The following EFNA5 variants were observed in gnomAD, a reference collection of about 807,000 sequenced individuals.
EFNA5 encodes ephrin-A5.
Under a neutral mutation model 22.9 loss-of-function variants are expected in EFNA5, and 5 were observed. That is an observed-to-expected ratio of 0.22 (90% CI 0.11 to 0.46). The LOEUF (loss-of-function observed/expected upper bound fraction) is 0.46, where lower values mean the gene tolerates loss of function less well. Ranked by LOEUF, EFNA5 falls within the 20% of genes least tolerant of loss-of-function variation. The pLI is 0.99. For missense variants in EFNA5, 237 were observed against 293.3 expected, an observed-to-expected ratio of 0.81 and a Z score of 1.40; for synonymous variants, 113 against 112.2, an observed-to-expected ratio of 1.01 and a Z score of -0.04.
At chr5:107,413,019 GTAACTAA>G (rs1188508833) in intron 2 of EFNA5, among the ~76,000 whole-genome samples, 2 of 152,168 alleles carry the variant, frequency 1.3e-5, no homozygotes, top group African/African-American at 4.8e-5. Context: ...AACTAGGAAA[GTAACTAA>G]TTGCCTTTCA....
intron 2 of EFNA5, among the ~76,000 whole-genome samples, chr5:107,391,847 G>A (rs1747801590): frequency 6.6e-6 from 1 of 152,116 alleles, no homozygotes; most frequent in African/African-American, 2.4e-5. Flanking sequence ...GAGACTCTCT[G>A]GTTCTCTGTG....
At chr5:107,601,769 A>T (rs1485221887) in intron 1 of EFNA5, among the ~76,000 whole-genome samples, 1 of 152,196 alleles carries the variant, frequency 6.6e-6, no homozygotes, top group East Asian at 1.9e-4. Context: ...TTACCTTTAC[A>T]GAAACACACA....
At chr5:107,469,778 T>C (rs1355789222) in intron 1 of EFNA5, among the ~76,000 whole-genome samples, 1 of 152,154 alleles carries the variant, frequency 6.6e-6, no homozygotes, top group Non-Finnish European at 1.5e-5. Context: ...GTATAATACC[T>C]TAAAAGAAAA....
chr5:107,649,422 C>T (rs1195704123), intron 1 of EFNA5, among the ~76,000 whole-genome samples: 1 of 152,130 alleles, frequency 6.6e-6, no homozygotes, highest in Non-Finnish European at 1.5e-5. Context: ...ACACTATGGG[C>T]AGACAACTCA....
chr5:107,406,945 C>A (rs1041493911), intron 2 of EFNA5, among the ~76,000 whole-genome samples: 9 of 152,178 alleles, frequency 5.9e-5, no homozygotes, highest in African/African-American at 2.2e-4. Context: ...AATAAAAAGT[C>A]TAATCACTGG....
At chr5:107,482,313 A>AAC (rs1401252576) in intron 1 of EFNA5, among the ~76,000 whole-genome samples, 3 of 151,988 alleles carry the variant, frequency 2.0e-5, no homozygotes, top group African/African-American at 4.8e-5. Flanking sequence ...TGTCTCAAAA[A>AAC]AAAAAAAAAT....
intron 1 of EFNA5, among the ~76,000 whole-genome samples, chr5:107,563,961 AT>A (rs2112479676): frequency 6.6e-6 from 1 of 152,272 alleles, no homozygotes; most frequent in African/African-American, 2.4e-5. Context: ...TCAGTTTATC[AT>A]TTGAGAACCT....
intron 1 of EFNA5, among the ~76,000 whole-genome samples, chr5:107,457,877 C>T (rs537519874): frequency 1.3e-5 from 2 of 152,274 alleles, no homozygotes; most frequent in Admixed American, 6.5e-5. Flanking sequence ...GTTCACTTCA[C>T]ATATGTTAAT....
intron 1 of EFNA5, among the ~76,000 whole-genome samples, chr5:107,652,900 A>C (rs982470460): frequency 2.0e-5 from 3 of 151,946 alleles, no homozygotes; most frequent in Non-Finnish European, 4.4e-5. Flanking sequence ...TTTCTAAAAA[A>C]AAATAGTTTA....
chr5:107,602,776 A>G (rs957323595), intron 1 of EFNA5, among the ~76,000 whole-genome samples: 2 of 152,238 alleles, frequency 1.3e-5, no homozygotes, highest in African/African-American at 4.8e-5. Context: ...AAGTCAGAGC[A>G]GGTTCCCAGT....
intron 1 of EFNA5, among the ~76,000 whole-genome samples, chr5:107,495,880 A>C (rs1036328251): frequency 3.9e-5 from 6 of 152,142 alleles, no homozygotes; most frequent in African/African-American, 7.2e-5. Context: ...ACAGCCTATC[A>C]GGAAGAGGTA....
At chr5:107,404,347 T>G (rs1174340332) in intron 2 of EFNA5, among the ~76,000 whole-genome samples, 1 of 152,242 alleles carries the variant, frequency 6.6e-6, no homozygotes, top group Non-Finnish European at 1.5e-5. Context: ...GAATATTATT[T>G]CTTCATAATG....
chr5:107,463,000 G>T (rs1296552494), intron 1 of EFNA5, among the ~76,000 whole-genome samples: 1 of 152,130 alleles, frequency 6.6e-6, no homozygotes, highest in East Asian at 1.9e-4. Context: ...CGTCCATCCT[G>T]ATGCTGAATA....
rs182974375 is a variant in EFNA5 at position 107,507,617 on chromosome 5, G to A, written c.126-80108C>T. Among the ~76,000 whole-genome samples the A allele has an allele frequency of 3.7e-3, 561 of 151,934 alleles. 7 individuals are homozygous for A. The highest frequency in any genetic ancestry group is 5.8e-3 in the Non-Finnish European group (395 of 67,966). On this transcript the variant is annotated intron_variant, in intron 1 of 4. Coordinates refer to ENST00000333274, the MANE Select transcript of EFNA5 (RefSeq NM_001962.3). ...TTTTGGAGGCCAAGGAAGGAGGACCGCTTGAGCTCAGGAGTTTGAGACCAG... is the reference window on the plus strand; with the variant it reads ...TTTTGGAGGCCAAGGAAGGAGGACCACTTGAGCTCAGGAGTTTGAGACCAG...
intron 1 of EFNA5, among the ~76,000 whole-genome samples, chr5:107,632,608 T>A (rs917661783): frequency 5.3e-5 from 8 of 152,170 alleles, no homozygotes; most frequent in African/African-American, 1.7e-4. Flanking sequence ...TTCAAGAACA[T>A]CCTTTCAGTA....
chr5:107,522,812 T>C (rs1747623825), intron 1 of EFNA5, among the ~76,000 whole-genome samples: 1 of 152,174 alleles, frequency 6.6e-6, no homozygotes, highest in Non-Finnish European at 1.5e-5. Flanking sequence ...TTTCTGGTTT[T>C]TATGAACTAT....
In EFNA5 at chr5:107,433,417, G is replaced by C. The variant is rs143179183; in HGVS notation, c.126-5908C>G. 2.1e-4 allele frequency among the ~76,000 whole-genome samples: 32 copies of C among 152,234 alleles called. No individual in the cohort carries two copies. The East Asian group carries it at 5.6e-3, about 27-fold the overall frequency. ...TTATGGTAGTTCTTGATAAACCAGA[G>C]GCCACCTGGAGCATTGGATAAAAAG... On this transcript the variant is annotated intron_variant, in intron 1 of 4. Transcript: ENST00000333274.
At chr5:107,634,514 C>CA (rs1415079745) in intron 1 of EFNA5, among the ~76,000 whole-genome samples, 1 of 112,808 alleles carries the variant, frequency 8.9e-6, no homozygotes, top group African/African-American at 2.7e-5. Flanking sequence ...GATCCTCTCA[C>CA]AAAAAAAGAA....
At chr5:107,538,532 T>C (rs149686456) in intron 1 of EFNA5, among the ~76,000 whole-genome samples, 64 of 152,254 alleles carry the variant, frequency 4.2e-4, no homozygotes, top group Non-Finnish European at 6.9e-4. Flanking sequence ...GGAAGTGGGA[T>C]TTAGATGAGC....
Sources: allele counts gnomAD v4.1 joint callset (sites outside exome capture counted in the v4.1 genomes callset), GRCh38; gene constraint gnomAD v4.1.1; transcripts MANE v1.5; gene names NCBI Gene and HGNC (gene_info 2026-07-23, HGNC 2026-07-21).